Variants in SDCCAG8 observed in about 807,000 individuals in gnomAD.
The protein encoded by SDCCAG8 is SHH signaling and ciliogenesis regulator SDCCAG8, also known as serologically defined colon cancer antigen 8.
A neutral mutation model predicts 101.8 loss-of-function variants in SDCCAG8; 74 were observed. The observed-to-expected ratio is 0.73, with a 90% CI of 0.60 to 0.88. SDCCAG8 has a LOEUF of 0.88. SDCCAG8 is among the 40% of genes least tolerant of loss of function. SDCCAG8 has a pLI of 0.00. For missense variants in SDCCAG8, 787 were observed against 822.6 expected, an observed-to-expected ratio of 0.96 and a Z score of 0.53; for synonymous variants, 281 against 292.9, an observed-to-expected ratio of 0.96 and a Z score of 0.41.
At chr1:243,271,645 C>T (rs143726651) in intron 3 of SDCCAG8, among the ~76,000 whole-genome samples, 410 of 152,028 alleles carry the variant, frequency 2.7e-3, no homozygotes, top group Non-Finnish European at 4.8e-3. Flanking sequence ...CTGGTTCAAG[C>T]GATTCTCCTG....
rs1267378140 is a variant in SDCCAG8 at position 243,426,533 on chromosome 1, A to G, written c.1960A>G (p.Arg654Gly). Residue 654 changes from arginine (R) to glycine (G), a missense_variant, in exon 16 of 18, where the codon AGA becomes GGA. Coordinates refer to ENST00000366541, the MANE Select transcript of SDCCAG8 (RefSeq NM_006642.5). ...GGAGGAACAGTGTGTCCAGCATGGG[A>G]GAGTACATGAGACGATGAAGCAAAG... is the stretch of plus-strand genomic sequence containing the variant. ...ELEEQCVQHG[R>G]VHETMKQRLR... 2 of 1,614,024 alleles carry G rather than the reference A, an allele frequency of 1.2e-6. No individual in the cohort carries two copies. The highest frequency in any genetic ancestry group is 1.7e-6 in the Non-Finnish European group (2 of 1,179,934).
intron 13 of SDCCAG8, among the ~76,000 whole-genome samples, chr1:243,407,089 C>G (rs2079840111): frequency 6.6e-6 from 1 of 152,158 alleles, no homozygotes; most frequent in Admixed American, 6.5e-5. Flanking sequence ...AATAGACTCT[C>G]TGAGGCCAGG....
intron 5 of SDCCAG8, among the ~76,000 whole-genome samples, chr1:243,289,021 A>AG (rs1037737622): frequency 2.0e-5 from 3 of 151,936 alleles, no homozygotes; most frequent in Admixed American, 6.6e-5. Context: ...AAAAAAAAAA[A>AG]AGATAATTGA....
chr1:243,497,339 G>GGC (rs1553385245), intron 17 of SDCCAG8, among the ~76,000 whole-genome samples: 2 of 143,530 alleles, frequency 1.4e-5, no homozygotes, highest in African/African-American at 5.4e-5. Context: ...GGCACGGGTG[G>GGC]GGGGGGGGGC....
intron 9 of SDCCAG8, among the ~76,000 whole-genome samples, chr1:243,321,222 T>C (rs972936668): frequency 2.6e-5 from 4 of 152,182 alleles, no homozygotes; most frequent in African/African-American, 9.7e-5. Flanking sequence ...TATCAAAATG[T>C]ATTATTATTG....
chr1:243,370,872 T>G (rs987381147), intron 12 of SDCCAG8, among the ~76,000 whole-genome samples: 4 of 152,136 alleles, frequency 2.6e-5, no homozygotes, highest in African/African-American at 9.7e-5. Flanking sequence ...TGGAAGCAAT[T>G]GGAAAACTGA....
chr1:243,270,596 A>G (rs995502037), intron 2 of SDCCAG8, among the ~76,000 whole-genome samples: 1 of 152,114 alleles, frequency 6.6e-6, no homozygotes, highest in Non-Finnish European at 1.5e-5. Flanking sequence ...ATGCTTTGAC[A>G]TGTGCAGTGA....
At chr1:243,475,226 C>G (rs576781965) in intron 16 of SDCCAG8, among the ~76,000 whole-genome samples, 51 of 152,314 alleles carry the variant, frequency 3.3e-4, no homozygotes, top group African/African-American at 1.1e-3. Context: ...TTGCTTCTCC[C>G]AACACAACCA....
At chr1:243,382,532 A>C (rs1307222310) in intron 13 of SDCCAG8, among the ~76,000 whole-genome samples, 1 of 152,210 alleles carries the variant, frequency 6.6e-6, no homozygotes, top group Non-Finnish European at 1.5e-5. Context: ...GCACTACCAC[A>C]CTTGAGTTGA....
intron 6 of SDCCAG8, among the ~76,000 whole-genome samples, chr1:243,301,115 G>T: frequency 1.3e-5 from 2 of 152,112 alleles, no homozygotes. Context: ...TGTACACGGA[G>T]TCATTCTCAG....
chr1:243,369,029 G>C (rs1348255515), intron 12 of SDCCAG8, among the ~76,000 whole-genome samples: 1 of 152,022 alleles, frequency 6.6e-6, no homozygotes, highest in Non-Finnish European at 1.5e-5. Flanking sequence ...GTTGAATATT[G>C]CATGTGACCA....
At chr1:243,496,644 C>T (rs566142445) in intron 17 of SDCCAG8, among the ~76,000 whole-genome samples, 2 of 152,282 alleles carry the variant, frequency 1.3e-5, no homozygotes. Context: ...TGAGCAGGGG[C>T]GAGGGGTGCC....
intron 12 of SDCCAG8, among the ~76,000 whole-genome samples, chr1:243,367,261 C>T (rs1286760109): frequency 6.6e-6 from 1 of 151,966 alleles, no homozygotes; most frequent in Admixed American, 6.6e-5. Flanking sequence ...ATTGGAAAGA[C>T]TACTTTTTTT....
intron 12 of SDCCAG8, among the ~76,000 whole-genome samples, chr1:243,355,403 A>G (rs908928857): frequency 1.3e-5 from 2 of 151,920 alleles, no homozygotes; most frequent in Non-Finnish European, 2.9e-5. Flanking sequence ...GCCTTTCTTC[A>G]TGAGTCAAGC....
chr1:243,355,899 C>T (rs571323377), intron 12 of SDCCAG8, among the ~76,000 whole-genome samples: 16 of 152,266 alleles, frequency 1.1e-4, no homozygotes, highest in South Asian at 2.1e-4. Flanking sequence ...CCTGGGCCAC[C>T]GCACCTGGTG....
chr1:243,275,874 T>G (rs1051300553), intron 4 of SDCCAG8, among the ~76,000 whole-genome samples: 18 of 141,142 alleles, frequency 1.3e-4, no homozygotes, highest in Non-Finnish European at 2.2e-4. Context: ...TTTTTTTTTT[T>G]TTTTTTTTTT....
chr1:243,313,868 A>G (rs1390033174), intron 8 of SDCCAG8, among the ~76,000 whole-genome samples: 2 of 152,164 alleles, frequency 1.3e-5, no homozygotes, highest in Admixed American at 6.5e-5. Flanking sequence ...TCTGAAAGGC[A>G]GATTATATAA....
intron 4 of SDCCAG8, among the ~76,000 whole-genome samples, chr1:243,278,948 A>G (rs2068799257): frequency 6.6e-6 from 1 of 151,714 alleles, no homozygotes; most frequent in African/African-American, 2.4e-5. Context: ...ATGCTTGGCT[A>G]TTTTATTATT....
chr1:243,473,918 CCGG>C (rs1351603581), intron 16 of SDCCAG8, among the ~76,000 whole-genome samples: 202 of 5,872 alleles, frequency 0.034, 23 homozygotes, highest in African/African-American at 0.051. Flanking sequence ...AGGAGAGTTG[CCGG>C]CGGGGGGGGG....
Sources: gnomAD v4.1 joint callset for allele counts (sites outside exome capture counted in the v4.1 genomes callset) on GRCh38, gnomAD v4.1.1 for gene constraint, MANE v1.5 for transcripts, NCBI Gene and HGNC (gene_info 2026-07-23, HGNC 2026-07-21) for gene names.